Variants in MTUS2 observed in about 807,000 individuals in gnomAD.
The protein encoded by MTUS2 is microtubule-associated tumor suppressor candidate 2.
A neutral mutation model predicts 114.1 loss-of-function variants in MTUS2; 40 were observed. That is an observed-to-expected ratio of 0.35 (90% CI 0.27 to 0.46). MTUS2 has a LOEUF of 0.46. MTUS2 is among the 20% of genes least tolerant of loss of function. The probability of loss-of-function intolerance (pLI) is 1.00; values close to 1 mark genes in which losing one functional copy is unlikely to be tolerated. For synonymous variants in MTUS2, 688 were observed against 672.0 expected (o/e 1.02, Z -0.37); for missense variants, 1,679 against 1,705.4 (o/e 0.98, Z 0.27).
At chr13:29,105,851 G>A (rs1479768333) in intron 5 of MTUS2, among the ~76,000 whole-genome samples, 2 of 152,070 alleles carry the variant, frequency 1.3e-5, no homozygotes, top group East Asian at 3.9e-4. Context: ...GGGATTGTAA[G>A]CCAGACAGCC....
rs116547648 is a variant in MTUS2, at chr13:29,312,125, A to G, written c.2807-12488A>G. ...GCATACTTCATGTCTCAGCTCAAAC[A>G]TAACCTTCTTCACTGAAGCCTTACC... is the stretch of plus-strand genomic sequence containing the variant. On this transcript the variant is annotated intron_variant, in intron 6 of 15. Transcript: ENST00000612955. 6.7e-3 allele frequency among the ~76,000 whole-genome samples: 1,023 copies of G among 152,264 alleles called. 15 individuals are homozygous for G. The highest frequency in any genetic ancestry group is 0.023 in the African/African-American group (949 of 41,554).
Position 29,026,315 on chromosome 13 carries a change from G to A in MTUS2, c.1617G>A (p.Glu539=), listed in dbSNP as rs1593395210. The A allele has an allele frequency of 1.2e-6, 2 of 1,613,968 alleles. No individual in the cohort carries two copies. The highest frequency in any genetic ancestry group is 1.7e-6 in the Non-Finnish European group (2 of 1,179,886). Residue 539 remains glutamate, a synonymous_variant, in exon 3 of 16, where the codon GAG becomes GAA. Coordinates refer to ENST00000612955, the MANE Select transcript of MTUS2 (RefSeq NM_001033602.4). ...ATATTCCAGCACCCCTCCACCCAGA[G>A]ACAACTGTGAACATGACCTACCAGC... The part of the protein sequence containing the change: ...VLNIPAPLHP[E]TTVNMTYQPT...
At chr13:29,248,560 G>C (rs1182979362) in intron 5 of MTUS2, among the ~76,000 whole-genome samples, 1 of 152,070 alleles carries the variant, frequency 6.6e-6, no homozygotes, top group East Asian at 1.9e-4. Flanking sequence ...GTGGTTTGCT[G>C]TACCTCTCAA....
rs541656161 is a variant in MTUS2, at chr13:29,133,386, T to C, written c.2644+32416T>C. Among the ~76,000 whole-genome samples the C allele has an allele frequency of 3.3e-5, 5 of 152,344 alleles. No homozygotes were observed. The East Asian group carries it at 5.8e-4, about 18-fold the overall frequency. ...TTTCAGAAGTCCTCAGATTTTCTTT[T>C]ATTGTCTGTGCTTTCAGTGTCATAT... On this transcript the variant is annotated intron_variant, in intron 5 of 15. Coordinates refer to ENST00000612955, the MANE Select transcript of MTUS2 (RefSeq NM_001033602.4).
At chr13:29,310,241 C>T (rs2139638852) in intron 6 of MTUS2, among the ~76,000 whole-genome samples, 1 of 152,294 alleles carries the variant, frequency 6.6e-6, no homozygotes, top group East Asian at 1.9e-4. Context: ...AACAAATGCT[C>T]AGAGAGTTCA....
intron 2 of MTUS2, among the ~76,000 whole-genome samples, chr13:28,913,877 C>T (rs914224692): frequency 3.5e-4 from 53 of 152,130 alleles, no homozygotes; most frequent in Admixed American, 3.2e-3. Flanking sequence ...TTATCCATTT[C>T]TTCTGGATTT....
At chr13:29,077,985 T>C (rs922341192) in intron 4 of MTUS2, among the ~76,000 whole-genome samples, 2 of 152,204 alleles carry the variant, frequency 1.3e-5, no homozygotes, top group African/African-American at 4.8e-5. Flanking sequence ...TATCTGGTTT[T>C]TTCAAAGGAT....
chr13:29,065,803 C>G (rs1302675538), intron 4 of MTUS2, among the ~76,000 whole-genome samples: 5 of 152,118 alleles, frequency 3.3e-5, no homozygotes, highest in African/African-American at 9.7e-5. Flanking sequence ...CTTTCTTTAT[C>G]TCTAAAAATG....
intron 5 of MTUS2, among the ~76,000 whole-genome samples, chr13:29,233,253 G>A (rs948735075): frequency 1.3e-5 from 2 of 151,952 alleles, no homozygotes; most frequent in Admixed American, 6.6e-5. Flanking sequence ...AAAGTTTGGG[G>A]TAATGTAGAA....
chr13:29,153,483 A>G (rs753264432), intron 5 of MTUS2, among the ~76,000 whole-genome samples: 1 of 152,168 alleles, frequency 6.6e-6, no homozygotes, highest in Non-Finnish European at 1.5e-5. Context: ...TAGCACTGCA[A>G]ATGCTTTAAG....
intron 8 of MTUS2, among the ~76,000 whole-genome samples, chr13:29,368,313 C>T (rs1290675024): frequency 6.6e-6 from 1 of 151,822 alleles, no homozygotes; most frequent in Non-Finnish European, 1.5e-5. Context: ...ACCCTGTGTC[C>T]CACCCATCCT....
chr13:29,432,211 T>C (rs927646242), intron 8 of MTUS2, among the ~76,000 whole-genome samples: 7 of 152,124 alleles, frequency 4.6e-5, no homozygotes, highest in African/African-American at 1.7e-4. Flanking sequence ...CTTGGGCTTT[T>C]GAGCAGAGAT....
chr13:28,821,469 T>C (rs1239457981), intron 1 of MTUS2, among the ~76,000 whole-genome samples: 8 of 152,218 alleles, frequency 5.3e-5, no homozygotes, highest in Admixed American at 2.0e-4. Flanking sequence ...TTAGTAATTG[T>C]GAGTTGCCAG....
At chr13:28,947,962 T>C (rs1160463828) in intron 2 of MTUS2, among the ~76,000 whole-genome samples, 4 of 152,206 alleles carry the variant, frequency 2.6e-5, no homozygotes, top group Non-Finnish European at 5.9e-5. Context: ...AGACTGTAAT[T>C]GGTTTTAAGT....
intron 2 of MTUS2, among the ~76,000 whole-genome samples, chr13:28,924,033 A>G (rs1275574143): frequency 6.6e-6 from 1 of 152,140 alleles, no homozygotes; most frequent in Non-Finnish European, 1.5e-5. Flanking sequence ...AATCCCCATC[A>G]GTCCCAGTGT....
At chr13:29,199,990 T>A (rs1894872300) in intron 5 of MTUS2, among the ~76,000 whole-genome samples, 1 of 152,266 alleles carries the variant, frequency 6.6e-6, no homozygotes, top group African/African-American at 2.4e-5. Context: ...TAGAGGTGAG[T>A]ATTCTCGGAT....
At chr13:29,250,320 C>G (rs915581366) in intron 5 of MTUS2, 1 of 151,992 alleles carries the variant, frequency 6.6e-6, no homozygotes, top group Non-Finnish European at 1.5e-5. Context: ...TGGTTTGGAA[C>G]AAGAACATGA....
At chr13:29,140,883 C>T (rs1159417114) in intron 5 of MTUS2, among the ~76,000 whole-genome samples, 1 of 152,106 alleles carries the variant, frequency 6.6e-6, no homozygotes, top group Non-Finnish European at 1.5e-5. Flanking sequence ...CATGCTCATC[C>T]CATGCCTGGC....
At chr13:29,001,972 A>G (rs975677436) in intron 2 of MTUS2, among the ~76,000 whole-genome samples, 7 of 152,118 alleles carry the variant, frequency 4.6e-5, no homozygotes, top group Admixed American at 3.9e-4. Flanking sequence ...CAGCTTTTTG[A>G]TGGAAGAGGT....
Sources: gnomAD v4.1 joint callset for allele counts (sites outside exome capture counted in the v4.1 genomes callset) on GRCh38, gnomAD v4.1.1 for gene constraint, MANE v1.5 for transcripts, NCBI Gene and HGNC (gene_info 2026-07-23, HGNC 2026-07-21) for gene names.